The following NPFFR1 variants were observed in gnomAD, a reference collection of about 807,000 sequenced individuals.
NPFFR1 encodes the protein G-protein coupled receptor 147.
NPFFR1 carries 17 observed loss-of-function variants against 12.7 expected under a neutral mutation model. That is an observed-to-expected ratio of 1.34 (90% CI 0.92 to 2.01). The LOEUF (loss-of-function observed/expected upper bound fraction) is 2.01, where lower values mean the gene tolerates loss of function less well. Among genes scored for constraint, NPFFR1 ranks in the 30% most tolerant of loss-of-function variants. The pLI, the probability that NPFFR1 is intolerant of heterozygous loss-of-function variation, is 0.00. For synonymous variants in NPFFR1, 296 were observed against 264.5 expected (o/e 1.12, Z -1.16); for missense variants, 604 against 606.5 (o/e 1.00, Z 0.04).
In NPFFR1 at chr10:70,254,943, C is replaced by T. The variant is rs749699295; in HGVS notation, c.*14G>A. On this transcript the variant is annotated 3_prime_UTR_variant, in exon 4 of 4. Coordinates refer to ENST00000277942, the MANE Select transcript of NPFFR1 (RefSeq NM_022146.5). Reference sequence around the variant, plus strand: ...CGGGGCCCTGAGGCAGCGTCCCGCCCTCCCTGGACCCCCTCAGATATCCCA... The same window carrying T: ...CGGGGCCCTGAGGCAGCGTCCCGCCTTCCCTGGACCCCCTCAGATATCCCA... 5 of 1,412,088 alleles carry T rather than the reference C, an allele frequency of 3.5e-6. No individual in the cohort carries two copies. In the East Asian group the frequency reaches 1.4e-4, roughly 39 times the overall value. 87.5% of individuals were successfully genotyped at this position (1,412,088 alleles called of 1,614,324 possible). A position where few individuals can be genotyped will look rare whatever the true frequency, so the allele number is the denominator to read the frequency against.
Position 70,255,119 on chromosome 10 carries a change from C to A in NPFFR1, c.1131G>T (p.Arg377=), listed in dbSNP as rs1192745509. 1.3e-6 allele frequency: 2 copies of A among 1,503,846 alleles called. No individual in the cohort carries two copies. The highest frequency in any genetic ancestry group is 2.5e-5 in the East Asian group (1 of 40,284). 93.2% of individuals were successfully genotyped at this position (1,503,846 alleles called of 1,614,324 possible). Residue 377 remains arginine (R), a synonymous_variant, in exon 4 of 4, where the codon CGG becomes CGT. Coordinates refer to ENST00000277942, the MANE Select transcript of NPFFR1 (RefSeq NM_022146.5). The surrounding 1 kb of genome is among the most constrained non-coding windows in gnomAD (Gnocchi z 4.2). ...LLHRRVFVVV[R]PSDSGLPSES... ...CAGAGGGCAGCCCGGAGTCGCTGGG[C>A]CGCACCACCACGAAGACCCGCCTGT... is the stretch of plus-strand genomic sequence containing the variant.
chr10:70,255,701 G>C lies in NPFFR1; in HGVS notation c.549C>G (p.Thr183=). ...CCACCATGAAGTGGTGCTCCTCACG[G>C]GTGACGGTCAGCGTGACGGCCGAGG... ...MCPSAVTLTV[T]REEHHFMVDA... The change falls in exon 4 of 4, where the codon ACC becomes ACG. Residue 183 remains threonine (T), a synonymous_variant. Coordinates refer to ENST00000277942, the MANE Select transcript of NPFFR1 (RefSeq NM_022146.5). The surrounding 1 kb of genome is among the most constrained non-coding windows in gnomAD (Gnocchi z 4.2). 6 of 1,607,220 alleles carry C rather than the reference G, an allele frequency of 3.7e-6. No homozygotes were observed. Among genetic ancestry groups the C allele is most frequent in the Non-Finnish European group, 5.1e-6 (6 of 1,177,162 alleles).
intron 3 of NPFFR1, among the ~76,000 whole-genome samples, chr10:70,256,072 C>CTT (rs60840539): frequency 1.6e-4 from 22 of 137,780 alleles, no homozygotes; most frequent in African/African-American, 4.9e-4. Context: ...CACTTTTCTC[C>CTT]TTTTTTTTTT....
chr10:70,261,402 A>C (rs1170015106), intron 2 of NPFFR1, among the ~76,000 whole-genome samples: 1 of 152,150 alleles, frequency 6.6e-6, no homozygotes, highest in Non-Finnish European at 1.5e-5. Flanking sequence ...ACCCAGTCTC[A>C]AGTATGTCCT....
In NPFFR1 at chr10:70,266,215, T is replaced by G; in HGVS notation, c.184A>C (p.Thr62Pro). The G allele has an allele frequency of 6.2e-7, 1 of 1,613,946 alleles. No individual in the cohort carries two copies. The highest frequency in any genetic ancestry group is 8.5e-7 in the Non-Finnish European group (1 of 1,179,876). ...TTGAGCACGATGAAACAGACCAGGG[T>G]GTTGCCCACCATGCAGAGCAGGAAG... ...LIFLLCMVGNTLVCFIVLKNR... is the reference protein window; with the variant it reads ...LIFLLCMVGNPLVCFIVLKNR... Residue 62 changes from threonine to proline, a missense_variant, in exon 2 of 4, where the codon ACC becomes CCC. Transcript: ENST00000277942.
intron 1 of NPFFR1, among the ~76,000 whole-genome samples, chr10:70,278,360 A>C (rs1426483765): frequency 7.1e-6 from 1 of 141,004 alleles, no homozygotes; most frequent in East Asian, 2.2e-4. Flanking sequence ...CCCCATCTTG[A>C]ATGTAAGCCA....
In NPFFR1 at chr10:70,260,662, G is replaced by T; in HGVS notation, c.400C>A (p.Leu134Met). 1.2e-6 allele frequency: 2 copies of T among 1,610,984 alleles called. No individual in the cohort carries two copies. ...CACCTTTCCACAGCAATGGCCACCA[G>T]TGTGAAAACGGAAGCCGACACAGAC... ...GMSVSASVFT[L>M]VAIAVERFRC... The change falls in exon 3 of 4, where the codon CTG (leucine) becomes ATG (methionine). Residue 134 changes from leucine (L) to methionine (M), a missense_variant. Physicochemically the swap from Leu to Met is conservative, Grantham distance 15. Transcript: ENST00000277942.
chr10:70,276,229 C>T (rs1416936587), intron 1 of NPFFR1, among the ~76,000 whole-genome samples: 1 of 152,142 alleles, frequency 6.6e-6, no homozygotes, highest in Admixed American at 6.5e-5. Flanking sequence ...AAGGCAGAAC[C>T]GGGGTCACTC....
rs1198281843 is a variant in NPFFR1, at chr10:70,249,087, G to A, written c.*5870C>T. ...CACTATATCCTCTTACCTTGCTTTA[G>A]ACCCATTCTTAATGGATTTAAAAAT... is the stretch of plus-strand genomic sequence containing the variant. On this transcript the variant is annotated 3_prime_UTR_variant, in exon 4 of 4. Coordinates refer to ENST00000277942, the MANE Select transcript of NPFFR1 (RefSeq NM_022146.5). 1 of 151,986 alleles carries A rather than the reference G, an allele frequency of 6.6e-6. No individual in the cohort carries two copies. The highest frequency in any genetic ancestry group is 1.5e-5 in the Non-Finnish European group (1 of 68,024). 9.4% of individuals were successfully genotyped at this position (151,986 alleles called of 1,614,324 possible). A position where few individuals can be genotyped will look rare whatever the true frequency, so the allele number is the denominator to read the frequency against.
intron 1 of NPFFR1, among the ~76,000 whole-genome samples, chr10:70,281,171 G>A (rs578200042): frequency 1.1e-3 from 160 of 152,244 alleles, no homozygotes; most frequent in African/African-American, 3.7e-3. Flanking sequence ...CAAATTTTTA[G>A]CACCCCACCA....
At chr10:70,277,513 G>T (rs1840816069) in intron 1 of NPFFR1, among the ~76,000 whole-genome samples, 1 of 152,196 alleles carries the variant, frequency 6.6e-6, no homozygotes, top group East Asian at 1.9e-4. Context: ...GCATCCATCT[G>T]GACCTCTAAG....
At chr10:70,258,622 T>A (rs1840601324) in intron 3 of NPFFR1, among the ~76,000 whole-genome samples, 2 of 152,210 alleles carry the variant, frequency 1.3e-5, no homozygotes, top group African/African-American at 4.8e-5. Flanking sequence ...TGACCACACT[T>A]CTTGAGACAT....
At chr10:70,276,635 T>A (rs1312235885) in intron 1 of NPFFR1, among the ~76,000 whole-genome samples, 1 of 143,804 alleles carries the variant, frequency 7.0e-6, no homozygotes, top group Non-Finnish European at 1.5e-5. Context: ...TCACCCAAGC[T>A]GGAGTGCAGT....
At chr10:70,257,896 T>G (rs765380454) in intron 3 of NPFFR1, among the ~76,000 whole-genome samples, 1 of 152,210 alleles carries the variant, frequency 6.6e-6, no homozygotes, top group East Asian at 1.9e-4. Flanking sequence ...CTGGCTTACG[T>G]GCACGTCCAG....
chr10:70,259,520 A>T (rs1333852760), intron 3 of NPFFR1, among the ~76,000 whole-genome samples: 3 of 152,162 alleles, frequency 2.0e-5, no homozygotes, highest in Non-Finnish European at 1.5e-5. Context: ...ACAAAGGTCG[A>T]TGAAGGGAAG....
intron 1 of NPFFR1, among the ~76,000 whole-genome samples, chr10:70,283,322 T>C (rs1041844961): frequency 4.0e-5 from 6 of 151,518 alleles, no homozygotes; most frequent in African/African-American, 1.5e-4. Flanking sequence ...TCTCAGTGTC[T>C]GTCTCTATGT....
At chr10:70,260,201 C>T (rs1051320621) in intron 3 of NPFFR1, among the ~76,000 whole-genome samples, 7 of 152,222 alleles carry the variant, frequency 4.6e-5, no homozygotes, top group African/African-American at 1.2e-4. Context: ...CCTGGGCTGC[C>T]GGGAACCAGC....
intron 1 of NPFFR1, among the ~76,000 whole-genome samples, chr10:70,267,906 G>A (rs1001561122): frequency 2.0e-5 from 3 of 152,274 alleles, no homozygotes; most frequent in South Asian, 4.1e-4. Flanking sequence ...GGCGGGAGGC[G>A]GACAACCTGC....
rs144569759 is a variant in NPFFR1, at chr10:70,267,007, C to T, written c.8-616G>A. On this transcript the variant is annotated intron_variant, in intron 1 of 3. Coordinates refer to ENST00000277942, the MANE Select transcript of NPFFR1 (RefSeq NM_022146.5). ...GGTTGTGAGTCCCTGGGTGCTTCAC[C>T]GTTTCTGGCTGGTTCTCTTAACCCT... Among the ~76,000 whole-genome samples the T allele has an allele frequency of 2.2e-4, 33 of 152,318 alleles. 2 individuals carry two copies. The highest frequency in any genetic ancestry group is 1.2e-3 in the East Asian group (6 of 5,190).
Sources: gnomAD v4.1 joint callset for allele counts (sites outside exome capture counted in the v4.1 genomes callset) on GRCh38, gnomAD v4.1.1 for gene constraint, Gnocchi (gnomAD v3.1) non-coding constraint, MANE v1.5 for transcripts, NCBI Gene and HGNC (gene_info 2026-07-23, HGNC 2026-07-21) for gene names.